TMEM108: variants seen among roughly 807,000 people sequenced by gnomAD.
TMEM108 encodes cancer/testis antigen 124.
Under a neutral mutation model 35.1 loss-of-function variants are expected in TMEM108, and 12 were observed. The ratio of observed to expected loss-of-function variants is 0.34; its 90% CI spans 0.22 to 0.55. The LOEUF is 0.55. TMEM108 is among the 20% of genes least tolerant of loss of function. The pLI is 0.89. For missense variants in TMEM108, 680 were observed against 753.3 expected (o/e 0.90, Z 1.14); for synonymous variants, 287 against 308.6 (o/e 0.93, Z 0.73).
At chr3:133,232,348 G>T (rs1168779826) in intron 3 of TMEM108, among the ~76,000 whole-genome samples, 1 of 152,002 alleles carries the variant, frequency 6.6e-6, no homozygotes, top group African/African-American at 2.4e-5. Context: ...AAAGAATCTG[G>T]CACCTCCCTC....
At chr3:133,325,365 T>C (rs950400163) in intron 3 of TMEM108, among the ~76,000 whole-genome samples, 2 of 152,168 alleles carry the variant, frequency 1.3e-5, no homozygotes, top group African/African-American at 4.8e-5. Context: ...AAACTATGCA[T>C]TGGCTACACT....
intron 3 of TMEM108, among the ~76,000 whole-genome samples, chr3:133,314,222 G>GA (rs1313904945): frequency 3.3e-5 from 5 of 152,028 alleles, no homozygotes; most frequent in Non-Finnish European, 7.4e-5. Flanking sequence ...GTAATACTTG[G>GA]AAAAAATATT....
intron 2 of TMEM108, among the ~76,000 whole-genome samples, chr3:133,060,757 C>T (rs1943525441): frequency 6.6e-6 from 1 of 152,082 alleles, no homozygotes; most frequent in Non-Finnish European, 1.5e-5. Context: ...ACACCTTGAC[C>T]CAGCAATTCA....
chr3:133,385,492 C>G (rs978712656), intron 4 of TMEM108, among the ~76,000 whole-genome samples: 6 of 152,212 alleles, frequency 3.9e-5, no homozygotes, highest in African/African-American at 1.4e-4. Context: ...TGACCTCCCT[C>G]CATACCCTGA....
chr3:133,354,651 A>C (rs1027204665), intron 3 of TMEM108, among the ~76,000 whole-genome samples: 3 of 152,088 alleles, frequency 2.0e-5, no homozygotes, highest in African/African-American at 7.2e-5. Context: ...GCCATATAGC[A>C]GGGTACTTTT....
intron 2 of TMEM108, among the ~76,000 whole-genome samples, chr3:133,087,073 C>T (rs886790034): frequency 2.0e-5 from 3 of 152,190 alleles, no homozygotes; most frequent in Non-Finnish European, 4.4e-5. Context: ...GCTTGACTCT[C>T]ACTCAGGGGT....
At chr3:133,185,886 G>A (rs536098147) in intron 2 of TMEM108, among the ~76,000 whole-genome samples, 1 of 150,310 alleles carries the variant, frequency 6.7e-6, no homozygotes, top group East Asian at 2.0e-4. Context: ...TCCTGCCTCA[G>A]CCTCCCCAGT....
intron 3 of TMEM108, among the ~76,000 whole-genome samples, chr3:133,371,613 CAAAAAAAAAAAA>C (rs3054624): frequency 7.7e-5 from 6 of 78,098 alleles, no homozygotes; most frequent in East Asian, 4.1e-4. Flanking sequence ...CACAAACCCA[CAAAAAAAAAAAA>C]AAAAAAAAAA....
chr3:133,370,867 C>A (rs1412968599), intron 3 of TMEM108, among the ~76,000 whole-genome samples: 1 of 108,428 alleles, frequency 9.2e-6, no homozygotes, highest in Non-Finnish European at 2.0e-5. Flanking sequence ...TTTCCCCAGC[C>A]CATAGTGTGT....
At chr3:133,328,920 C>T (rs1252113561) in intron 3 of TMEM108, among the ~76,000 whole-genome samples, 1 of 152,124 alleles carries the variant, frequency 6.6e-6, no homozygotes, top group Non-Finnish European at 1.5e-5. Flanking sequence ...TTATTCACTG[C>T]TCTCTTTTCA....
intron 2 of TMEM108, among the ~76,000 whole-genome samples, chr3:133,226,492 C>A (rs77302797): frequency 0.024 from 3,689 of 152,232 alleles, 146 homozygotes; most frequent in African/African-American, 0.082. Context: ...AATTTGGTAT[C>A]TTGTTACTAC....
rs114948119 is a variant in TMEM108, at chr3:133,184,691, A to T, written c.-46-44575A>T. On this transcript the variant is annotated intron_variant, in intron 2 of 5. Transcript: ENST00000321871. ...TTATGTAATTAAAAGAACAAAAGAA[A>T]TGGATGTAAACAGACTTGTAGACAA... 1.8e-3 allele frequency among the ~76,000 whole-genome samples: 274 copies of T among 152,344 alleles called. 1 individual carries two copies. The highest frequency in any genetic ancestry group is 6.1e-3 in the African/African-American group (254 of 41,588).
At chr3:133,235,606 T>C (rs994804076) in intron 3 of TMEM108, among the ~76,000 whole-genome samples, 1 of 152,136 alleles carries the variant, frequency 6.6e-6, no homozygotes, top group African/African-American at 2.4e-5. Flanking sequence ...TGAGGTGGTA[T>C]TGAATGAGAT....
At position 133,314,834 on chromosome 3, in the gene TMEM108, T is replaced by C. The variant is rs147641744; in HGVS notation, c.41-64918T>C. Reference sequence around the variant, plus strand: ...CATTCCAACACCAAAAGCTTATTACTATTGATATAGCTCTCTGAAAGAAAT... The same window carrying C: ...CATTCCAACACCAAAAGCTTATTACCATTGATATAGCTCTCTGAAAGAAAT... On this transcript the variant is annotated intron_variant, in intron 3 of 5. Transcript: ENST00000321871. Among the ~76,000 whole-genome samples the C allele has an allele frequency of 2.3e-3, 354 of 152,350 alleles. 2 individuals are homozygous for C. The highest frequency in any genetic ancestry group is 8.0e-3 in the African/African-American group (332 of 41,584).
intron 2 of TMEM108, among the ~76,000 whole-genome samples, chr3:133,216,310 T>C (rs1348376717): frequency 1.3e-5 from 2 of 152,112 alleles, no homozygotes; most frequent in Non-Finnish European, 2.9e-5. Flanking sequence ...CAAGGTTCTA[T>C]TAGGCTCACT....
intron 2 of TMEM108, among the ~76,000 whole-genome samples, chr3:133,175,833 A>T (rs1009196669): frequency 6.6e-6 from 1 of 152,224 alleles, no homozygotes; most frequent in Admixed American, 6.5e-5. Flanking sequence ...ATTAACCTTA[A>T]ATGTAAATGG....
In TMEM108 at chr3:133,233,438, A is replaced by ACTG; in HGVS notation, c.40+4087_40+4088insCTG. 3.9e-5 allele frequency among the ~76,000 whole-genome samples: 6 copies of ACTG among 152,126 alleles called. No individual in the cohort carries two copies. The South Asian group carries it at 1.2e-3, about 32-fold the overall frequency. ...CCACATTTTCTTAATCCAGTCTGTC[A>ACTG]TTGTTGGACATTTGGGTTGGTTCCA... On this transcript the variant is annotated intron_variant, in intron 3 of 5. Transcript: ENST00000321871.
chr3:133,056,965 A>C (rs552470184), intron 2 of TMEM108, among the ~76,000 whole-genome samples: 1 of 152,336 alleles, frequency 6.6e-6, no homozygotes, highest in African/African-American at 2.4e-5. Context: ...TCTGAGTATC[A>C]TTTAATAAAG....
rs952247572 is a variant in TMEM108 at position 133,379,911 on chromosome 3, C to T, written c.200C>T (p.Thr67Ile). The T allele has an allele frequency of 4.3e-6, 7 of 1,613,708 alleles. No individual in the cohort carries two copies. The highest frequency in any genetic ancestry group is 1.3e-5 in the African/African-American group (1 of 74,814). The change falls in exon 4 of 6, where the codon ACC (threonine) becomes ATC (isoleucine). Residue 67 changes from threonine to isoleucine, a missense_variant. By Grantham distance (89) the Thr-to-Ile change is moderately conservative. Around this residue, in one of 3 missense-constraint regions of TMEM108, gnomAD observed 526 missense variants for 532.1 expected, o/e 0.99. Coordinates refer to ENST00000321871, the MANE Select transcript of TMEM108 (RefSeq NM_023943.4). The part of the protein sequence containing the change: ...STRHTSVVML[T>I]PNPDGPPSQA... ...AGACATACTTCTGTGGTGATGCTGACCCCCAATCCCGATGGACCCCCCTCA... is the reference window on the plus strand; with the variant it reads ...AGACATACTTCTGTGGTGATGCTGATCCCCAATCCCGATGGACCCCCCTCA...
Sources: allele counts gnomAD v4.1 joint callset (sites outside exome capture counted in the v4.1 genomes callset), GRCh38; gene constraint gnomAD v4.1.1; regional missense constraint gnomAD v4.1.1; transcripts MANE v1.5; gene names NCBI Gene and HGNC (gene_info 2026-07-23, HGNC 2026-07-21).